Variants in PLXDC2 observed in about 807,000 individuals in gnomAD.
The protein encoded by PLXDC2 is plexin domain containing 2.
Under a neutral mutation model 68.9 loss-of-function variants are expected in PLXDC2, and 40 were observed. The ratio of observed to expected loss-of-function variants is 0.58; its 90% CI spans 0.45 to 0.76. The LOEUF (loss-of-function observed/expected upper bound fraction) is 0.76. Among genes scored for constraint, PLXDC2 ranks in the 30% least tolerant of loss-of-function variants. PLXDC2 has a pLI of 0.00. For synonymous variants in PLXDC2, 243 were observed against 234.2 expected (o/e 1.04, Z -0.34); for missense variants, 644 against 661.9 (o/e 0.97, Z 0.30).
At chr10:20,054,866 C>G (rs1021831910) in intron 3 of PLXDC2, among the ~76,000 whole-genome samples, 1 of 151,630 alleles carries the variant, frequency 6.6e-6, no homozygotes, top group Admixed American at 6.6e-5. Flanking sequence ...TAAAAAAAAC[C>G]AGATAGATGG....
Position 19,837,403 on chromosome 10 carries a change from AGAGAGAGTGT to A in PLXDC2, c.112+20214_112+20223del, listed in dbSNP as rs1258069739. Among the ~76,000 whole-genome samples, 371 of 60,624 alleles carry A rather than the reference AGAGAGAGTGT, an allele frequency of 6.1e-3. 6 individuals are homozygous for A. Among genetic ancestry groups the A allele is most frequent in the Admixed American group, 0.039 (206 of 5,288 alleles). 39.8% of individuals were successfully genotyped at this position (60,624 alleles called of 152,430 possible). ...GAGTAAGTGAGAGAGAGAGAGAGAGAGAGAGAGTGTGTGTGTGTGTGTGTGTGTGTGTGTG... is the reference window on the plus strand; with the variant it reads ...GAGTAAGTGAGAGAGAGAGAGAGAGAGTGTGTGTGTGTGTGTGTGTGTGTG... On this transcript the variant is annotated intron_variant, in intron 1 of 13. Transcript: ENST00000377252.
intron 1 of PLXDC2, among the ~76,000 whole-genome samples, chr10:19,962,072 T>A (rs1455334027): frequency 6.6e-6 from 1 of 152,186 alleles, no homozygotes; most frequent in Non-Finnish European, 1.5e-5. Flanking sequence ...GTGTTTCAAA[T>A]GTGGAAAGAA....
At chr10:20,224,945 T>G (rs1209858418) in intron 12 of PLXDC2, among the ~76,000 whole-genome samples, 1 of 152,192 alleles carries the variant, frequency 6.6e-6, no homozygotes, top group African/African-American at 2.4e-5. Context: ...ACCTGAACTC[T>G]GAAAGGCTGC....
chr10:19,922,765 T>C (rs947955146), intron 1 of PLXDC2, among the ~76,000 whole-genome samples: 4 of 152,160 alleles, frequency 2.6e-5, no homozygotes, highest in African/African-American at 9.7e-5. Context: ...TTTGAAAGCT[T>C]ATAAAGTTGG....
At chr10:20,164,648 C>A in intron 7 of PLXDC2, 81 bp downstream of exon 7, 3 of 1,051,930 alleles carry the variant, frequency 2.9e-6, no homozygotes, top group Admixed American at 4.0e-5. Flanking sequence ...GCAGCTGTAC[C>A]TGAATTAAAA....
At chr10:19,836,658 T>C (rs1836798837) in intron 1 of PLXDC2, among the ~76,000 whole-genome samples, 1 of 152,188 alleles carries the variant, frequency 6.6e-6, no homozygotes, top group South Asian at 2.1e-4. Flanking sequence ...GAAATGGTTC[T>C]AACAGCATAA....
intron 4 of PLXDC2, among the ~76,000 whole-genome samples, chr10:20,082,070 A>G (rs145263883): frequency 8.2e-6 from 1 of 121,932 alleles, no homozygotes; most frequent in Non-Finnish European, 1.8e-5. Context: ...AAATCAAAAA[A>G]AAAAAACAGG....
At chr10:19,990,999 C>A (rs1385268276) in intron 1 of PLXDC2, among the ~76,000 whole-genome samples, 1 of 152,174 alleles carries the variant, frequency 6.6e-6, no homozygotes, top group African/African-American at 2.4e-5. Context: ...GTAATCCCAG[C>A]ACTTTGGGAG....
chr10:20,029,117 G>A (rs1835456065), intron 2 of PLXDC2, among the ~76,000 whole-genome samples: 1 of 152,092 alleles, frequency 6.6e-6, no homozygotes, highest in Non-Finnish European at 1.5e-5. Context: ...TCCAGGGCCA[G>A]GTTTAATGCT....
At chr10:19,933,478 A>G (rs554721524) in intron 1 of PLXDC2, among the ~76,000 whole-genome samples, 2 of 152,106 alleles carry the variant, frequency 1.3e-5, no homozygotes, top group Admixed American at 6.6e-5. Context: ...TCGTAAAAAT[A>G]CAAAAATTAG....
chr10:20,265,319 C>T (rs987737722), intron 13 of PLXDC2, among the ~76,000 whole-genome samples: 1 of 152,152 alleles, frequency 6.6e-6, no homozygotes, highest in Non-Finnish European at 1.5e-5. Flanking sequence ...CAGCCATCTG[C>T]CAGAACTCAG....
intron 1 of PLXDC2, among the ~76,000 whole-genome samples, chr10:19,993,600 A>G (rs1188297448): frequency 6.6e-6 from 1 of 152,022 alleles, no homozygotes; most frequent in Non-Finnish European, 1.5e-5. Flanking sequence ...TTGTATTTTT[A>G]GTAGAGACTG....
intron 7 of PLXDC2, among the ~76,000 whole-genome samples, chr10:20,173,089 A>T (rs1213731168): frequency 1.3e-5 from 2 of 152,188 alleles, no homozygotes; most frequent in Non-Finnish European, 2.9e-5. Flanking sequence ...TTTGTATCTC[A>T]AGAGTCTCTC....
chr10:19,932,669 C>A (rs1833658860), intron 1 of PLXDC2, among the ~76,000 whole-genome samples: 1 of 152,140 alleles, frequency 6.6e-6, no homozygotes, highest in Non-Finnish European at 1.5e-5. Context: ...TTAAGTAAAT[C>A]ATAATCTTTG....
intron 1 of PLXDC2, among the ~76,000 whole-genome samples, chr10:19,949,196 A>C (rs1833956201): frequency 6.6e-6 from 1 of 152,016 alleles, no homozygotes; most frequent in Admixed American, 6.6e-5. Context: ...TTTAATGTAT[A>C]AAACATATGC....
intron 1 of PLXDC2, among the ~76,000 whole-genome samples, chr10:19,888,595 A>G (rs936250874): frequency 6.6e-6 from 1 of 151,870 alleles, no homozygotes; most frequent in Non-Finnish European, 1.5e-5. Flanking sequence ...AGGGAAGCTC[A>G]CTTGCAGGCG....
intron 2 of PLXDC2, among the ~76,000 whole-genome samples, chr10:20,014,307 C>T (rs760609354): frequency 7.2e-5 from 10 of 138,814 alleles, no homozygotes; most frequent in Non-Finnish European, 1.4e-4. Context: ...TTCCTTCCCT[C>T]GCCCCACTTT....
intron 9 of PLXDC2, among the ~76,000 whole-genome samples, chr10:20,201,808 C>T (rs1203763666): frequency 2.6e-5 from 4 of 152,006 alleles, no homozygotes; most frequent in East Asian, 1.9e-4. Flanking sequence ...TGGGAAAATG[C>T]CTAGACTATC....
intron 12 of PLXDC2, among the ~76,000 whole-genome samples, chr10:20,226,686 C>T (rs1174478100): frequency 2.0e-5 from 3 of 152,134 alleles, no homozygotes; most frequent in South Asian, 2.1e-4. Context: ...GGACACAGAA[C>T]GAGATGATAT....
Sources: allele counts gnomAD v4.1 joint callset (sites outside exome capture counted in the v4.1 genomes callset), GRCh38; gene constraint gnomAD v4.1.1; transcripts MANE v1.5; gene names NCBI Gene and HGNC (gene_info 2026-07-23, HGNC 2026-07-21).